The following DLAT variants were observed in gnomAD, a reference collection of about 807,000 sequenced individuals.
DLAT encodes dihydrolipoyllysine-residue acetyltransferase component of pyruvate dehydrogenase complex, mitochondrial.
In DLAT, 43 loss-of-function variants were observed where a neutral mutation model predicts 68.0. The ratio of observed to expected loss-of-function variants is 0.63; its 90% CI spans 0.50 to 0.81. The LOEUF is 0.81. Among genes scored for constraint, DLAT ranks in the 40% least tolerant of loss-of-function variants. The pLI, the probability that DLAT is intolerant of heterozygous loss-of-function variation, is 0.00. For missense variants in DLAT, 745 were observed against 815.4 expected, an observed-to-expected ratio of 0.91 and a Z score of 1.05; for synonymous variants, 265 against 288.6, an observed-to-expected ratio of 0.92 and a Z score of 0.83.
At chr11:112,033,181 T>C (rs1299399518) in intron 4 of DLAT, among the ~76,000 whole-genome samples, 3 of 152,024 alleles carry the variant, frequency 2.0e-5, no homozygotes, top group African/African-American at 4.8e-5. Context: ...TAACTTGGAG[T>C]GTGTGTTAGA....
chr11:112,028,430 A>G, intron 2 of DLAT, 85 bp from the exon 3 acceptor site: 9 of 1,450,504 alleles, frequency 6.2e-6, no homozygotes, highest in South Asian at 1.3e-5. Flanking sequence ...CAAAAAAAAA[A>G]AAAAAAAAAA....
intron 8 of DLAT, among the ~76,000 whole-genome samples, chr11:112,044,192 GTT>G (rs1490277774): frequency 6.6e-6 from 1 of 151,694 alleles, no homozygotes; most frequent in Admixed American, 6.6e-5. Flanking sequence ...TTGGTGTTTG[GTT>G]TTTTTTGTTT....
intron 10 of DLAT, among the ~76,000 whole-genome samples, chr11:112,048,282 C>T (rs1257020998): frequency 2.0e-5 from 3 of 151,978 alleles, no homozygotes; most frequent in East Asian, 1.9e-4. Context: ...CTGTTATTGG[C>T]GTGTAGGAAT....
At chr11:112,058,390 C>T (rs1864248149) in intron 11 of DLAT, among the ~76,000 whole-genome samples, 1 of 152,162 alleles carries the variant, frequency 6.6e-6, no homozygotes, top group South Asian at 2.1e-4. Context: ...CAAAATCCTG[C>T]TCTAGCCAAC....
In DLAT at chr11:112,055,921, G is replaced by T. The variant is rs782615982; in HGVS notation, c.1515-3982G>T. On this transcript the variant is annotated intron_variant, in intron 11 of 13. Transcript: ENST00000280346. ...TCTCGCTCTTTTGCCAGGCTGGAGT[G>T]CAATGGTGCTATCTCCGCTCATTGC... Among the ~76,000 whole-genome samples, 123 of 115,622 alleles carry T rather than the reference G, an allele frequency of 1.1e-3. 2 individuals carry two copies. Among genetic ancestry groups the T allele is most frequent in the Non-Finnish European group, 6.9e-4 (42 of 61,172 alleles). The allele number at this position is 115,622 out of a possible 152,430, so 75.9% of individuals were successfully genotyped here. A position where few individuals can be genotyped will look rare whatever the true frequency, so the allele number is the denominator to read the frequency against.
Position 112,063,230 on chromosome 11 carries a change from A to C in DLAT, c.*695A>C, listed in dbSNP as rs1347826962. 2 of 152,216 alleles carry C rather than the reference A, an allele frequency of 1.3e-5. No individual in the cohort carries two copies. Among genetic ancestry groups the C allele is most frequent in the Non-Finnish European group, 2.9e-5 (2 of 68,028 alleles). 9.4% of individuals were successfully genotyped at this position (152,216 alleles called of 1,614,324 possible). On this transcript the variant is annotated 3_prime_UTR_variant, in exon 14 of 14. Transcript: ENST00000280346. Reference sequence around the variant, plus strand: ...TTGATGTAACTGAGAATTTGTGTGGATATTTATTTAAACAAATGTGTAATT... The same window carrying C: ...TTGATGTAACTGAGAATTTGTGTGGCTATTTATTTAAACAAATGTGTAATT...
At chr11:112,041,563 G>T (rs782561502) in intron 7 of DLAT, among the ~76,000 whole-genome samples, 1 of 152,166 alleles carries the variant, frequency 6.6e-6, no homozygotes, top group Admixed American at 6.6e-5. Context: ...ATGGGAAAGA[G>T]TTTAGCATGT....
chr11:112,039,251 C>T lies in DLAT; in HGVS notation c.983C>T (p.Ala328Val), dbSNP rs781861956. The T allele has an allele frequency of 6.2e-7, 1 of 1,613,836 alleles. No individual in the cohort carries two copies. The highest frequency in any genetic ancestry group is 8.5e-7 in the Non-Finnish European group (1 of 1,179,972). ...GTAATTTTTTTTCAAAAGGTGGCCG[C>T]TGTTCCTCCAACTCCCCAGCCTTTA... The part of the protein sequence containing the change: ...VPPPTPPPVA[A>V]VPPTPQPLAP... Residue 328 changes from alanine to valine, a missense_variant, in exon 7 of 14, where the codon GCT becomes GTT. Physicochemically the swap from Ala to Val is moderately conservative, Grantham distance 64. Transcript: ENST00000280346.
chr11:112,058,994 G>C (rs1592726825), intron 11 of DLAT, among the ~76,000 whole-genome samples: 2 of 151,580 alleles, frequency 1.3e-5, no homozygotes, highest in African/African-American at 4.9e-5. Context: ...AGATGCATAG[G>C]GACACATTCT....
In DLAT at chr11:112,051,393, T is replaced by C; in HGVS notation, c.1514+44T>C. The C allele has an allele frequency of 1.4e-6, 2 of 1,410,836 alleles. No individual in the cohort carries two copies. Among genetic ancestry groups the C allele is most frequent in the South Asian group, 1.2e-5 (1 of 86,944 alleles). The allele number at this position is 1,410,836 out of a possible 1,614,324, so 87.4% of individuals were successfully genotyped here. On this transcript the variant is annotated intron_variant, in intron 11 of 13. Coordinates refer to ENST00000280346, the MANE Select transcript of DLAT (RefSeq NM_001931.5). This position sits in a 1 kb window ranked among gnomAD's most constrained non-coding sequence, Gnocchi z 4.3. The stretch of plus-strand genomic sequence containing the variant: ...GATATATATCCATCGGTAGTTTTCT[T>C]GTATTATTTAATGTGTGAGTGGAGT...
intron 8 of DLAT, 63 bp downstream of exon 8, chr11:112,043,596 A>T: frequency 7.5e-7 from 1 of 1,341,724 alleles, no homozygotes; most frequent in South Asian, 1.2e-5. Flanking sequence ...AGACCATTTC[A>T]TACATTATTT....
intron 2 of DLAT, among the ~76,000 whole-genome samples, chr11:112,027,886 C>CGTGGAAAGAGAGGGAGAGGGAGA (rs1862158291): frequency 8.0e-6 from 1 of 124,402 alleles, no homozygotes. Context: ...AGAGGGAGAC[C>CGTGGAAAGAGAGGGAGAGGGAGA]GTGGAAAGAG....
intron 11 of DLAT, among the ~76,000 whole-genome samples, chr11:112,056,670 T>G (rs781807563): frequency 1.3e-5 from 2 of 152,224 alleles, no homozygotes; most frequent in Non-Finnish European, 2.9e-5. Flanking sequence ...TATATTTTTA[T>G]TTCTCTTCAG....
Position 112,045,893 on chromosome 11 carries a change from C to T in DLAT, c.1321C>T (p.Gln441Ter). Residue 441 changes from glutamine to a stop codon, truncating the protein, a stop_gained, in exon 10 of 14, where the codon CAA (glutamine) becomes TAA (stop). Coordinates refer to ENST00000280346, the MANE Select transcript of DLAT (RefSeq NM_001931.5). LOFTEE classifies it high-confidence loss of function. ...VIAQRLMQSK[Q>*]TIPHYYLSID... Reference sequence around the variant, plus strand: ...TGCACAGCGATTAATGCAATCAAAGCAAACCATACCTCATTATTACCTTTC... The same window carrying T: ...TGCACAGCGATTAATGCAATCAAAGTAAACCATACCTCATTATTACCTTTC... 6.2e-7 allele frequency: 1 copy of T among 1,611,878 alleles called. No individual in the cohort carries two copies. Among genetic ancestry groups the T allele is most frequent in the Non-Finnish European group, 8.5e-7 (1 of 1,178,138 alleles).
rs201280576 is a variant in DLAT at position 112,037,407 on chromosome 11, C to T, written c.922C>T (p.Pro308Ser). 3.7e-6 allele frequency: 6 copies of T among 1,614,166 alleles called. No homozygotes were observed. The East Asian group carries it at 1.1e-4, about 30-fold the overall frequency. ...ADISAFADYR[P>S]TEVTDLKPQV... ...TATATCAGCATTTGCTGACTATAGG[C>T]CAACCGAAGTAACAGATTTAAAACC... is the stretch of plus-strand genomic sequence containing the variant. The change falls in exon 6 of 14, where the codon CCA (proline) becomes TCA (serine). Residue 308 changes from proline (P) to serine (S), a missense_variant. Transcript: ENST00000280346.
chr11:112,054,928 T>C (rs1652965311), intron 11 of DLAT, among the ~76,000 whole-genome samples: 1 of 152,200 alleles, frequency 6.6e-6, no homozygotes, highest in Non-Finnish European at 1.5e-5. Context: ...TGTGTCTGTA[T>C]TTTCTCTTCT....
Position 112,037,522 on chromosome 11 carries a change from T to A in DLAT, c.975+62T>A, listed in dbSNP as rs587692339. 5.5e-5 allele frequency: 82 copies of A among 1,500,872 alleles called. No individual in the cohort carries two copies. The East Asian group carries it at 1.8e-3, about 33-fold the overall frequency. 93.0% of individuals were successfully genotyped at this position (1,500,872 alleles called of 1,614,324 possible). On this transcript the variant is annotated intron_variant, in intron 6 of 13. Transcript: ENST00000280346. Reference sequence around the variant, plus strand: ...TGTTCATCTCTAAATTAAGGAGTTTTGATTAGATGATATCCTAGGTTCCTT... The same window carrying A: ...TGTTCATCTCTAAATTAAGGAGTTTAGATTAGATGATATCCTAGGTTCCTT...
intron 8 of DLAT, among the ~76,000 whole-genome samples, chr11:112,044,681 C>G (rs1353647481): frequency 6.6e-6 from 1 of 151,936 alleles, no homozygotes; most frequent in Admixed American, 6.6e-5. Flanking sequence ...AATTAAAACT[C>G]TTAAAACAAG....
intron 9 of DLAT, 72 bp downstream of exon 9, chr11:112,045,302 T>C: frequency 8.0e-7 from 1 of 1,243,684 alleles, no homozygotes; most frequent in Non-Finnish European, 1.2e-6. Flanking sequence ...TTCCATAGTT[T>C]TTAACACATT....
Sources: allele counts gnomAD v4.1 joint callset (sites outside exome capture counted in the v4.1 genomes callset), GRCh38; gene constraint gnomAD v4.1.1; non-coding constraint Gnocchi (gnomAD v3.1); transcripts MANE v1.5; gene names NCBI Gene and HGNC (gene_info 2026-07-23, HGNC 2026-07-21).